Variants in KCNJ6 observed in about 807,000 individuals in gnomAD.
KCNJ6 encodes G protein-activated inward rectifier potassium channel 2.
KCNJ6 carries 9 observed loss-of-function variants against 34.2 expected under a neutral mutation model. The ratio of observed to expected loss-of-function variants is 0.26; its 90% CI spans 0.16 to 0.46. The LOEUF (loss-of-function observed/expected upper bound fraction) is 0.46. Among genes scored for constraint, KCNJ6 ranks in the 20% least tolerant of loss-of-function variants. The probability of loss-of-function intolerance (pLI) is 1.00; values close to 1 mark genes in which losing one functional copy is unlikely to be tolerated. For synonymous variants in KCNJ6, 196 were observed against 207.1 expected, an observed-to-expected ratio of 0.95 and a Z score of 0.46; for missense variants, 236 against 531.3, an observed-to-expected ratio of 0.44 and a Z score of 5.46.
In KCNJ6 at chr21:37,609,033, G is replaced by A. The variant is rs1465323338; in HGVS notation, c.*16126C>T. 2 of 152,120 alleles carry A rather than the reference G, an allele frequency of 1.3e-5. No homozygotes were observed. The allele number at this position is 152,120 out of a possible 1,614,324, so 9.4% of individuals were successfully genotyped here. ...AGCATTGACGAGCTTCATGAACCTT[G>A]AAAATGGAACACTTTATTTCTCTGT... On this transcript the variant is annotated 3_prime_UTR_variant, in exon 4 of 4. Transcript: ENST00000609713.
At chr21:37,825,763 C>A (rs2055396062) in intron 2 of KCNJ6, among the ~76,000 whole-genome samples, 1 of 152,068 alleles carries the variant, frequency 6.6e-6, no homozygotes, top group Non-Finnish European at 1.5e-5. Flanking sequence ...GCCTCATAAT[C>A]ATGGCAGAAG....
rs567632592 is a variant in KCNJ6 at position 37,814,474 on chromosome 21, A to C, written c.25+26184T>G. ...AATCAGTATACTGAAGTGATACCTG[A>C]AGTGATCAATGTTTATTACAGCACT... On this transcript the variant is annotated intron_variant, in intron 2 of 3. Coordinates refer to ENST00000609713, the MANE Select transcript of KCNJ6 (RefSeq NM_002240.5). Among the ~76,000 whole-genome samples, 5 of 152,346 alleles carry C rather than the reference A, an allele frequency of 3.3e-5. No individual in the cohort carries two copies. In the South Asian group the frequency reaches 1.0e-3, roughly 32 times the overall value.
chr21:37,663,183 A>G (rs1709822), intron 3 of KCNJ6, among the ~76,000 whole-genome samples: 87,825 of 151,934 alleles, frequency 0.58, 25,656 homozygotes, highest in East Asian at 0.85. Context: ...TTTTTAGTGG[A>G]CGATGATGGG....
chr21:37,725,462 T>C (rs569976734), intron 2 of KCNJ6, among the ~76,000 whole-genome samples: 2 of 152,290 alleles, frequency 1.3e-5, no homozygotes, highest in South Asian at 4.2e-4. Flanking sequence ...ACAAATAAGA[T>C]AAACTTTGTT....
chr21:37,720,335 TGCTTGACCTGAATCCAAGAA>T (rs2054818525), intron 2 of KCNJ6, among the ~76,000 whole-genome samples: 1 of 152,198 alleles, frequency 6.6e-6, no homozygotes, highest in Non-Finnish European at 1.5e-5. Flanking sequence ...CTGAGACATT[TGCTTGACCTGAATCCAAGAA>T]AATCGTAACT....
At position 37,623,613 on chromosome 21, in the gene KCNJ6, C is replaced by T. The variant is rs1259581203; in HGVS notation, c.*1546G>A. 6.6e-6 allele frequency: 1 copy of T among 152,318 alleles called. No homozygotes were observed. Among genetic ancestry groups the T allele is most frequent in the Non-Finnish European group, 1.5e-5 (1 of 68,072 alleles). The allele number at this position is 152,318 out of a possible 1,614,324, so 9.4% of individuals were successfully genotyped here. A position where few individuals can be genotyped will look rare whatever the true frequency, so the allele number is the denominator to read the frequency against. Reference sequence around the variant, plus strand: ...CCAGTACAAATACCCTTCCTTCCTTCCTTCCTTCCTCCCTCCCTTCCTCCC... The same window carrying T: ...CCAGTACAAATACCCTTCCTTCCTTTCTTCCTTCCTCCCTCCCTTCCTCCC... On this transcript the variant is annotated 3_prime_UTR_variant, in exon 4 of 4. Transcript: ENST00000609713.
At chr21:37,665,326 A>G (rs935497444) in intron 3 of KCNJ6, among the ~76,000 whole-genome samples, 2 of 152,204 alleles carry the variant, frequency 1.3e-5, no homozygotes, top group Non-Finnish European at 2.9e-5. Context: ...AAGGCAGGCC[A>G]TGGTGCCAGT....
rs572052406 is a variant in KCNJ6, at chr21:37,797,451, C to T, written c.25+43207G>A. On this transcript the variant is annotated intron_variant, in intron 2 of 3. Coordinates refer to ENST00000609713, the MANE Select transcript of KCNJ6 (RefSeq NM_002240.5). ...ATGTAATCATGACAATCCACAAAAC[C>T]CAGTGTCTGGAGTGAAGGGAATGAC... 9.2e-5 allele frequency among the ~76,000 whole-genome samples: 14 copies of T among 152,240 alleles called. No homozygotes were observed. The South Asian group carries it at 2.9e-3, about 32-fold the overall frequency.
chr21:37,715,600 G>A (rs2054786161), intron 2 of KCNJ6, among the ~76,000 whole-genome samples: 1 of 152,198 alleles, frequency 6.6e-6, no homozygotes, highest in Admixed American at 6.5e-5. Context: ...TCCATATGGG[G>A]CTTGAGCCCC....
chr21:37,789,177 G>C (rs1378345729), intron 2 of KCNJ6, among the ~76,000 whole-genome samples: 1 of 152,126 alleles, frequency 6.6e-6, no homozygotes, highest in Non-Finnish European at 1.5e-5. Context: ...CTTCCTACTA[G>C]AGATGCAATT....
chr21:37,767,955 T>C (rs1270359281), intron 2 of KCNJ6, among the ~76,000 whole-genome samples: 3 of 152,194 alleles, frequency 2.0e-5, no homozygotes, highest in African/African-American at 7.2e-5. Flanking sequence ...ACACAGAGTC[T>C]AGAGGTCTGG....
intron 1 of KCNJ6, among the ~76,000 whole-genome samples, chr21:37,867,078 T>C (rs2055626321): frequency 6.6e-6 from 1 of 152,250 alleles, no homozygotes; most frequent in Non-Finnish European, 1.5e-5. Flanking sequence ...AAAGCCATCT[T>C]GACATTCCTT....
At chr21:37,649,987 T>C (rs909928114) in intron 3 of KCNJ6, among the ~76,000 whole-genome samples, 2 of 151,560 alleles carry the variant, frequency 1.3e-5, no homozygotes, top group African/African-American at 2.4e-5. Flanking sequence ...ATGGTCTCCA[T>C]CTCCTGACCT....
In KCNJ6 at chr21:37,864,867, CTCTCT is replaced by C. The variant is rs1303951813; in HGVS notation, c.-27-24163_-27-24159del. ...GTCCCCATTCTCCCCATCTGTCTCT[CTCTCT>C]TTTTTTTTTTTTTTTTGAGACTGGG... On this transcript the variant is annotated intron_variant, in intron 1 of 3. Coordinates refer to ENST00000609713, the MANE Select transcript of KCNJ6 (RefSeq NM_002240.5). 5.5e-4 allele frequency among the ~76,000 whole-genome samples: 78 copies of C among 142,262 alleles called. 1 individual carries two copies. Among genetic ancestry groups the C allele is most frequent in the African/African-American group, 2.0e-3 (70 of 35,224 alleles). 93.3% of individuals were successfully genotyped at this position (142,262 alleles called of 152,430 possible).
intron 2 of KCNJ6, among the ~76,000 whole-genome samples, chr21:37,784,786 C>G (rs2055185402): frequency 1.3e-5 from 2 of 152,186 alleles, no homozygotes; most frequent in African/African-American, 2.4e-5. Context: ...GAATTCCTAA[C>G]AAGCACCCCG....
At chr21:37,710,422 G>A (rs575141285) in intron 3 of KCNJ6, among the ~76,000 whole-genome samples, 20 of 152,312 alleles carry the variant, frequency 1.3e-4, no homozygotes, top group Admixed American at 1.2e-3. Context: ...AATCACTGGA[G>A]CAGAATGACG....
At chr21:37,691,424 G>A (rs1415774319) in intron 3 of KCNJ6, among the ~76,000 whole-genome samples, 1 of 152,200 alleles carries the variant, frequency 6.6e-6, no homozygotes, top group Non-Finnish European at 1.5e-5. Flanking sequence ...GAAGTGCTGG[G>A]CATTTTGACA....
chr21:37,646,929 T>G (rs2054407801), intron 3 of KCNJ6, among the ~76,000 whole-genome samples: 1 of 152,094 alleles, frequency 6.6e-6, no homozygotes, highest in Middle Eastern at 3.2e-3. Context: ...CACCTCAGCC[T>G]CCCAAAGTGC....
At chr21:37,706,104 A>G (rs1053395128) in intron 3 of KCNJ6, among the ~76,000 whole-genome samples, 1 of 152,192 alleles carries the variant, frequency 6.6e-6, no homozygotes, top group Admixed American at 6.5e-5. Context: ...TTGGCTTGTA[A>G]AGTTTCCACC....
Sources: gnomAD v4.1 joint callset for allele counts (sites outside exome capture counted in the v4.1 genomes callset) on GRCh38, gnomAD v4.1.1 for gene constraint, MANE v1.5 for transcripts, NCBI Gene and HGNC (gene_info 2026-07-23, HGNC 2026-07-21) for gene names.